Variants in GALNT13 observed in about 807,000 individuals in gnomAD.
The protein encoded by GALNT13 is UDP-GalNAc:polypeptide N-acetylgalactosaminyltransferase 13.
GALNT13 carries 28 observed loss-of-function variants against 64.2 expected under a neutral mutation model. The observed-to-expected ratio is 0.44, with a 90% CI of 0.32 to 0.60. The LOEUF (loss-of-function observed/expected upper bound fraction) is 0.60. Among genes scored for constraint, GALNT13 ranks in the 20% least tolerant of loss-of-function variants. The pLI, the probability that GALNT13 is intolerant of heterozygous loss-of-function variation, is 0.05. For missense variants in GALNT13, 577 were observed against 669.8 expected (o/e 0.86, Z 1.53); for synonymous variants, 214 against 224.6 (o/e 0.95, Z 0.42).
At chr2:153,234,907 G>A in the GALNT13 span, among the ~76,000 whole-genome samples, 16 of 152,232 alleles carry the variant, frequency 1.1e-4, no homozygotes, top group East Asian at 1.9e-4. Context: ...ATTGTACTTC[G>A]TAGCATTTGT....
chr2:153,988,064 A>ATG (rs1694916597), intron 3 of GALNT13, among the ~76,000 whole-genome samples: 1 of 100,602 alleles, frequency 9.9e-6, no homozygotes, highest in Non-Finnish European at 2.8e-5. Context: ...TGACATATAT[A>ATG]TATATATATA....
At chr2:153,896,842 A>G (rs1430929444) in intron 1 of GALNT13, among the ~76,000 whole-genome samples, 1 of 152,208 alleles carries the variant, frequency 6.6e-6, no homozygotes. Context: ...ATAAATGTCT[A>G]GATTAAAATA....
At chr2:153,078,685 A>G in the GALNT13 span, among the ~76,000 whole-genome samples, 1 of 152,010 alleles carries the variant, frequency 6.6e-6, no homozygotes, top group East Asian at 1.9e-4. Context: ...TGAAGAAGGG[A>G]GGAATTTTTT....
At chr2:153,685,733 G>C in the GALNT13 span, among the ~76,000 whole-genome samples, 1 of 151,856 alleles carries the variant, frequency 6.6e-6, no homozygotes, top group Non-Finnish European at 1.5e-5. Flanking sequence ...TCAGGATATC[G>C]TTGCCCGTGC....
At chr2:153,740,441 T>C in the GALNT13 span, among the ~76,000 whole-genome samples, 2 of 152,112 alleles carry the variant, frequency 1.3e-5, no homozygotes, top group Non-Finnish European at 2.9e-5. Flanking sequence ...TACTCATAAC[T>C]TGAAAATTCT....
the GALNT13 span, among the ~76,000 whole-genome samples, chr2:153,094,633 A>G: frequency 6.6e-6 from 1 of 152,202 alleles, no homozygotes; most frequent in Non-Finnish European, 1.5e-5. Flanking sequence ...CCTGACTTCA[A>G]ACTATACTAC....
chr2:153,996,889 T>C (rs1331456831), intron 3 of GALNT13, among the ~76,000 whole-genome samples: 1 of 152,130 alleles, frequency 6.6e-6, no homozygotes, highest in Non-Finnish European at 1.5e-5. Flanking sequence ...CGTGTGGATA[T>C]CTAGTTTTCC....
At chr2:154,393,907 T>TACTAAAAC (rs1698923028) in intron 9 of GALNT13, among the ~76,000 whole-genome samples, 1 of 149,276 alleles carries the variant, frequency 6.7e-6, no homozygotes, top group Non-Finnish European at 1.5e-5. Context: ...TGAAACCCCG[T>TACTAAAAC]CTCTACTAAA....
chr2:153,324,491 C>T, the GALNT13 span, among the ~76,000 whole-genome samples: 1 of 152,220 alleles, frequency 6.6e-6, no homozygotes, highest in Non-Finnish European at 1.5e-5. Flanking sequence ...CTATTTCTTT[C>T]TCTTGCCTGA....
At chr2:154,204,040 C>G (rs1204757842) in intron 4 of GALNT13, among the ~76,000 whole-genome samples, 1 of 152,120 alleles carries the variant, frequency 6.6e-6, no homozygotes, top group Non-Finnish European at 1.5e-5. Context: ...TTTCACATTC[C>G]CACAAGCCCA....
chr2:153,855,352 A>G, the GALNT13 span, among the ~76,000 whole-genome samples: 11 of 152,196 alleles, frequency 7.2e-5, no homozygotes, highest in African/African-American at 2.7e-4. Flanking sequence ...GAGAACTTTT[A>G]TAATTGAATA....
chr2:154,230,740 C>T (rs1160998751), intron 4 of GALNT13, among the ~76,000 whole-genome samples: 1 of 151,984 alleles, frequency 6.6e-6, no homozygotes, highest in Non-Finnish European at 1.5e-5. Context: ...AGATGAGGTC[C>T]ACTGAAACCC....
the GALNT13 span, among the ~76,000 whole-genome samples, chr2:153,862,457 C>T: frequency 3.2e-3 from 491 of 152,166 alleles, 5 homozygotes; most frequent in Admixed American, 7.1e-3. Context: ...GAGAATAATA[C>T]TATGTTGTTT....
At chr2:153,148,108 A>AAT in the GALNT13 span, among the ~76,000 whole-genome samples, 1 of 151,924 alleles carries the variant, frequency 6.6e-6, no homozygotes, top group African/African-American at 2.4e-5. Context: ...GAACTCTAAT[A>AAT]AAAGAAAAGC....
At chr2:153,153,625 C>A in the GALNT13 span, among the ~76,000 whole-genome samples, 1 of 150,172 alleles carries the variant, frequency 6.7e-6, no homozygotes, top group Admixed American at 6.7e-5. Flanking sequence ...CCAATTATCC[C>A]AGCAGAATTT....
At chr2:154,150,924 T>C (rs1241751651) in intron 4 of GALNT13, among the ~76,000 whole-genome samples, 3 of 152,188 alleles carry the variant, frequency 2.0e-5, no homozygotes, top group Non-Finnish European at 4.4e-5. Context: ...TGTGTCTCTA[T>C]TTCCTTCAGT....
upstream of GALNT13, among the ~76,000 whole-genome samples, chr2:153,871,257 A>G (rs1471809723): frequency 6.6e-6 from 1 of 152,182 alleles, no homozygotes. Context: ...ACCTCTTCAT[A>G]AAAATTTGAG....
chr2:153,926,678 A>G (rs1690158475), intron 2 of GALNT13, among the ~76,000 whole-genome samples: 1 of 151,870 alleles, frequency 6.6e-6, no homozygotes, highest in African/African-American at 2.4e-5. Context: ...TTTGTGAATA[A>G]CCCTTGACAG....
chr2:153,160,407 A>G, the GALNT13 span, among the ~76,000 whole-genome samples: 1 of 152,220 alleles, frequency 6.6e-6, no homozygotes, highest in Non-Finnish European at 1.5e-5. Flanking sequence ...TAATATCTGT[A>G]AAGAGTATAA....
Sources: allele counts gnomAD v4.1 joint callset (sites outside exome capture counted in the v4.1 genomes callset), GRCh38; gene constraint gnomAD v4.1.1; transcripts MANE v1.5; gene names NCBI Gene and HGNC (gene_info 2026-07-23, HGNC 2026-07-21).